PTPRT: variants seen among roughly 807,000 people sequenced by gnomAD.
The protein encoded by PTPRT is protein tyrosine phosphatase receptor type T, also known as receptor-type tyrosine-protein phosphatase T.
A neutral mutation model predicts 176.8 loss-of-function variants in PTPRT; 56 were observed. The ratio of observed to expected loss-of-function variants is 0.32; its 90% confidence interval spans 0.26 to 0.40. PTPRT has a LOEUF of 0.40. PTPRT is among the 10% of genes least tolerant of loss of function. PTPRT has a pLI of 1.00. For synonymous variants in PTPRT, 783 were observed against 739.0 expected, an observed-to-expected ratio of 1.06 and a Z score of -0.96; for missense variants, 1,540 against 1,908.2, an observed-to-expected ratio of 0.81 and a Z score of 3.60.
chr20:42,554,105 GGAGAA>G (rs2072818004), intron 7 of PTPRT, among the ~76,000 whole-genome samples: 1 of 151,982 alleles, frequency 6.6e-6, no homozygotes, highest in Admixed American at 6.6e-5. Flanking sequence ...AACGTTCTTG[GGAGAA>G]GAGAAAAGAG....
chr20:42,720,539 C>T (rs373129895), intron 6 of PTPRT, among the ~76,000 whole-genome samples: 5 of 152,254 alleles, frequency 3.3e-5, no homozygotes, highest in East Asian at 1.9e-4. Flanking sequence ...AAAAAACTGA[C>T]GAATGTTCCA....
At chr20:42,052,967 C>T in the PTPRT span, among the ~76,000 whole-genome samples, 66 of 152,242 alleles carry the variant, frequency 4.3e-4, 1 homozygote, top group East Asian at 2.9e-3. Context: ...TTAGGCTTTT[C>T]GAGTCATAGG....
chr20:42,763,479 A>C (rs985021816), intron 5 of PTPRT, among the ~76,000 whole-genome samples: 1 of 152,230 alleles, frequency 6.6e-6, no homozygotes, highest in Admixed American at 6.5e-5. Context: ...AAAATGATAA[A>C]GATAAAAATA....
chr20:43,153,199 G>A (rs2014415169), intron 1 of PTPRT, among the ~76,000 whole-genome samples: 1 of 152,104 alleles, frequency 6.6e-6, no homozygotes, highest in Admixed American at 6.5e-5. Context: ...ATACATAGTG[G>A]ACACCAATAT....
chr20:42,987,829 T>C (rs1180831938), intron 1 of PTPRT, among the ~76,000 whole-genome samples: 1 of 152,162 alleles, frequency 6.6e-6, no homozygotes, highest in South Asian at 2.1e-4. Flanking sequence ...TTATGAAACG[T>C]GTAACATCTT....
chr20:42,471,825 CT>C (rs1243544333), intron 8 of PTPRT, among the ~76,000 whole-genome samples: 1 of 151,854 alleles, frequency 6.6e-6, no homozygotes, highest in Admixed American at 6.6e-5. Context: ...CTGGTAATTT[CT>C]TTTGTATTTT....
intron 25 of PTPRT, 96 bp from the exon 26 acceptor site, chr20:42,102,393 T>C (rs2146240846): frequency 7.5e-7 from 1 of 1,333,096 alleles, no homozygotes; most frequent in African/African-American, 1.4e-5. Flanking sequence ...ACTCGCCTAT[T>C]TCCACCCTCT....
chr20:43,014,009 T>C (rs892000740), intron 1 of PTPRT, among the ~76,000 whole-genome samples: 1 of 152,188 alleles, frequency 6.6e-6, no homozygotes, highest in East Asian at 1.9e-4. Flanking sequence ...ACACAGAAAA[T>C]ACTCAACACA....
chr20:42,749,950 G>A (rs779336675), intron 6 of PTPRT, among the ~76,000 whole-genome samples: 3 of 152,140 alleles, frequency 2.0e-5, no homozygotes, highest in Non-Finnish European at 2.9e-5. Flanking sequence ...GCCCACTGTT[G>A]CCATCCTAAA....
chr20:42,301,104 G>A (rs913259694), intron 12 of PTPRT, among the ~76,000 whole-genome samples: 3 of 152,168 alleles, frequency 2.0e-5, no homozygotes, highest in Non-Finnish European at 2.9e-5. Flanking sequence ...AAATATGTGT[G>A]TACAAAACAC....
chr20:42,042,642 G>C, the PTPRT span, among the ~76,000 whole-genome samples: 5 of 152,154 alleles, frequency 3.3e-5, no homozygotes, highest in African/African-American at 1.2e-4. Flanking sequence ...CCTCATATCA[G>C]TTGCTGAGAA....
chr20:42,104,167 T>A (rs2076246), intron 25 of PTPRT, among the ~76,000 whole-genome samples: 4 of 152,116 alleles, frequency 2.6e-5, no homozygotes, highest in East Asian at 1.9e-4. Flanking sequence ...ATTAGTGCTC[T>A]TATAAGAAGA....
chr20:42,457,627 G>T (rs1267009229), intron 8 of PTPRT, among the ~76,000 whole-genome samples: 2 of 152,158 alleles, frequency 1.3e-5, no homozygotes, highest in Non-Finnish European at 2.9e-5. Context: ...GGAAAGGAAA[G>T]AATTTAGATA....
chr20:42,994,143 C>T (rs537651262), intron 1 of PTPRT, among the ~76,000 whole-genome samples: 29 of 152,288 alleles, frequency 1.9e-4, no homozygotes, highest in African/African-American at 7.0e-4. Flanking sequence ...TGATCTCTCC[C>T]TAGGCACATA....
intron 9 of PTPRT, among the ~76,000 whole-genome samples, chr20:42,406,762 G>A (rs528070429): frequency 6.6e-6 from 1 of 152,246 alleles, no homozygotes; most frequent in East Asian, 1.9e-4. Context: ...ATCAATCAGT[G>A]CATCCAAAGT....
At chr20:42,179,951 T>C (rs915272941) in intron 16 of PTPRT, among the ~76,000 whole-genome samples, 5 of 152,214 alleles carry the variant, frequency 3.3e-5, no homozygotes, top group Non-Finnish European at 7.3e-5. Context: ...TAGATCATCT[T>C]GAGCTAAAGA....
At chr20:42,281,709 G>C (rs1431347120) in intron 13 of PTPRT, among the ~76,000 whole-genome samples, 3 of 152,134 alleles carry the variant, frequency 2.0e-5, no homozygotes, top group Non-Finnish European at 4.4e-5. Context: ...TATGGATGCT[G>C]CCAGTAAATT....
chr20:42,108,273 G>GTAAT (rs1986666755), intron 23 of PTPRT, among the ~76,000 whole-genome samples: 2 of 152,024 alleles, frequency 1.3e-5, no homozygotes, highest in African/African-American at 4.8e-5. Context: ...GCATCACATA[G>GTAAT]TAATTGAACA....
intron 1 of PTPRT, among the ~76,000 whole-genome samples, chr20:42,907,107 G>GA (rs771177639): frequency 6.6e-6 from 1 of 151,934 alleles, no homozygotes; most frequent in East Asian, 1.9e-4. Flanking sequence ...ATGAGTAAAT[G>GA]AAAAAAATGA....
Sources: allele counts gnomAD v4.1 joint callset (sites outside exome capture counted in the v4.1 genomes callset), GRCh38; gene constraint gnomAD v4.1.1; transcripts MANE v1.5; gene names NCBI Gene and HGNC (gene_info 2026-07-23, HGNC 2026-07-21).